Variants in POLR3E observed in about 807,000 individuals in gnomAD.
POLR3E encodes DNA-directed RNA polymerase III subunit RPC5.
Under a neutral mutation model 96.6 loss-of-function variants are expected in POLR3E, and 41 were observed. That is an observed-to-expected ratio of 0.42 (90% CI 0.33 to 0.55). POLR3E has a LOEUF of 0.55. POLR3E is among the 20% of genes least tolerant of loss of function. POLR3E has a pLI of 0.06. For synonymous variants in POLR3E, 396 were observed against 383.6 expected, an observed-to-expected ratio of 1.03 and a Z score of -0.38; for missense variants, 849 against 952.1, an observed-to-expected ratio of 0.89 and a Z score of 1.43.
Position 22,313,764 on chromosome 16 carries a change from C to G in POLR3E, c.472+37C>G. On this transcript the variant is annotated intron_variant, in intron 7 of 20. Coordinates refer to ENST00000299853, the MANE Select transcript of POLR3E (RefSeq NM_018119.4). The surrounding 1 kb of genome is among the most constrained non-coding windows in gnomAD (Gnocchi z 4.1). ...ATCCCCAGCCCTGCTGCCTGCCTGC[C>G]TTCATCCTGGTGGGATGGCTTGGTC... 6 of 1,393,578 alleles carry G rather than the reference C, an allele frequency of 4.3e-6. No individual in the cohort carries two copies. Among genetic ancestry groups the G allele is most frequent in the Non-Finnish European group, 6.1e-6 (6 of 985,190 alleles). The allele number at this position is 1,393,578 out of a possible 1,614,324, so 86.3% of individuals were successfully genotyped here. A position where few individuals can be genotyped will look rare whatever the true frequency, so the allele number is the denominator to read the frequency against.
intron 1 of POLR3E, among the ~76,000 whole-genome samples, chr16:22,299,538 C>T (rs1378405616): frequency 2.0e-5 from 3 of 151,536 alleles, no homozygotes; most frequent in Non-Finnish European, 2.9e-5. Flanking sequence ...CTCAGCCTCC[C>T]GAGTAGCTGG....
chr16:22,320,485 T>A (rs956462211), intron 13 of POLR3E, among the ~76,000 whole-genome samples: 3 of 152,150 alleles, frequency 2.0e-5, no homozygotes, highest in African/African-American at 7.2e-5. Flanking sequence ...GGTCTTGAAC[T>A]CCTGACCTCA....
rs777915197 is a variant in POLR3E, at chr16:22,333,639, CAT to C, written c.2071-3_2071-2del. 5 of 1,607,274 alleles carry C rather than the reference CAT, an allele frequency of 3.1e-6. No homozygotes were observed. Among genetic ancestry groups the C allele is most frequent in the Non-Finnish European group, 3.4e-6 (4 of 1,173,772 alleles). ...ATCTGTGCTTACCCTGTTTCTCTCT[CAT>C]AGGACTGCTGTGTAAGCTATGGTGG... On this transcript the variant is annotated splice_polypyrimidine_tract_variant and splice_region_variant and intron_variant, in intron 20 of 20. Coordinates refer to ENST00000299853, the MANE Select transcript of POLR3E (RefSeq NM_018119.4).
intron 4 of POLR3E, 26 bp downstream of exon 4, chr16:22,308,251 G>A (rs570955177): frequency 3.2e-6 from 5 of 1,574,652 alleles, no homozygotes; most frequent in African/African-American, 1.3e-5. Flanking sequence ...GAGGGCAGTT[G>A]GGGCCGAAAG....
At chr16:22,303,639 CTTTTTTTT>C (rs58949663) in intron 2 of POLR3E, among the ~76,000 whole-genome samples, 1 of 114,276 alleles carries the variant, frequency 8.8e-6, no homozygotes, top group African/African-American at 4.8e-5. Context: ...GCAGATTTCC[CTTTTTTTT>C]TTTTTTTTTT....
chr16:22,316,127 C>G (rs905393578), intron 9 of POLR3E, among the ~76,000 whole-genome samples: 4 of 152,146 alleles, frequency 2.6e-5, no homozygotes, highest in Admixed American at 1.3e-4. Context: ...TTAACAGACC[C>G]TTAGACTCGG....
intron 6 of POLR3E, among the ~76,000 whole-genome samples, chr16:22,310,539 G>A (rs1017690987): frequency 4.0e-5 from 6 of 151,464 alleles, no homozygotes; most frequent in Admixed American, 2.6e-4. Flanking sequence ...TGCCCACCTC[G>A]GCCTCCCAAA....
rs754996737 is a variant in POLR3E at position 22,318,934 on chromosome 16, G to A, written c.974G>A (p.Trp325Ter). 3.7e-6 allele frequency: 6 copies of A among 1,608,360 alleles called. No individual in the cohort carries two copies. Among genetic ancestry groups the A allele is most frequent in the Non-Finnish European group, 5.1e-6 (6 of 1,177,466 alleles). ...GTGGCGATGTTGGTCCAAGGGAACT[G>A]GGTGGTGAAGAGGTAAGTTGCTTTT... is the stretch of plus-strand genomic sequence containing the variant. Reference protein sequence around the residue: ...QKVAMLVQGNWVVKSDILYPK... With the variant: ...QKVAMLVQGN The change falls in exon 13 of 21, where the codon TGG becomes TAG. Residue 325 changes from tryptophan (W) to a stop codon, truncating the protein, a stop_gained. Coordinates refer to ENST00000299853, the MANE Select transcript of POLR3E (RefSeq NM_018119.4). LOFTEE classifies it high-confidence loss of function. The surrounding 1 kb of genome is among the most constrained non-coding windows in gnomAD (Gnocchi z 5.0).
Position 22,313,637 on chromosome 16 carries a change from C to A in POLR3E, c.382C>A (p.Pro128Thr). Residue 128 changes from proline to threonine, a missense_variant, in exon 7 of 21, where the codon CCT becomes ACT. Pro to Thr is a conservative substitution (Grantham distance 38). Transcript: ENST00000299853. The surrounding 1 kb of genome is among the most constrained non-coding windows in gnomAD (Gnocchi z 4.1). ...TCCGCCAGGTGAGCTCCACCTGACA[C>A]CTTTACATGGCATCCTGCAGCTGCG... ...LYRQGELHLT[P>T]LHGILQLRPS... 1 of 1,613,520 alleles carries A rather than the reference C, an allele frequency of 6.2e-7. No individual in the cohort carries two copies.
At chr16:22,301,142 G>A (rs940059016) in intron 1 of POLR3E, among the ~76,000 whole-genome samples, 2 of 137,996 alleles carry the variant, frequency 1.4e-5, no homozygotes, top group African/African-American at 5.2e-5. Context: ...GTGAAGGGGG[G>A]ACCATGAGGT....
At chr16:22,319,004 C>T (rs2048416626) in intron 13 of POLR3E, 58 bp downstream of exon 13, 3 of 1,325,856 alleles carry the variant, frequency 2.3e-6, no homozygotes, top group African/African-American at 1.5e-5. Context: ...GGCAGAGCTT[C>T]ACTCTTGTTG....
chr16:22,319,053 T>A, intron 13 of POLR3E, 107 bp downstream of exon 13: 2 of 750,742 alleles, frequency 2.7e-6, no homozygotes, highest in Non-Finnish European at 4.1e-6. Flanking sequence ...CGGCTCACTG[T>A]AACTTCTCCC....
chr16:22,328,532 C>T lies in POLR3E; in HGVS notation c.1889C>T (p.Ser630Phe). 2.5e-6 allele frequency: 4 copies of T among 1,614,026 alleles called. No individual in the cohort carries two copies. Among genetic ancestry groups the T allele is most frequent in the Non-Finnish European group, 3.4e-6 (4 of 1,179,916 alleles). Residue 630 changes from serine to phenylalanine, a missense_variant, in exon 19 of 21, where the codon TCC becomes TTC. By Grantham distance (155) the Ser-to-Phe change is radical (BLOSUM62 -2). Transcript: ENST00000299853. ...LVPFPPQTAA[S>F]PDEQKVFALW... ...CAGTTTCCCCCCCAGACTGCTGCTT[C>T]CCCGGATGAGCAGAAGGTGTTTGCC...
chr16:22,324,225 G>T, intron 14 of POLR3E, 129 bp from the exon 15 acceptor site: 1 of 699,990 alleles, frequency 1.4e-6, no homozygotes, highest in African/African-American at 1.8e-5. Context: ...CACACTGTTG[G>T]GAAGAATCAA....
intron 19 of POLR3E, among the ~76,000 whole-genome samples, chr16:22,329,984 G>A (rs1445928441): frequency 6.6e-6 from 1 of 151,198 alleles, no homozygotes; most frequent in Admixed American, 6.6e-5. Context: ...ATTAGCAATG[G>A]GCTTCCCATT....
chr16:22,326,498 C>T (rs984127770), intron 18 of POLR3E: 6 of 598,024 alleles, frequency 1.0e-5, no homozygotes, highest in East Asian at 2.9e-5. Flanking sequence ...GGGCTAAATA[C>T]GGTGTCTGAA....
Position 22,325,203 on chromosome 16 carries a change from A to G in POLR3E, c.1287-2A>G, listed in dbSNP as rs765264423. On this transcript the variant is annotated splice_acceptor_variant, in intron 16 of 20. Coordinates refer to ENST00000299853, the MANE Select transcript of POLR3E (RefSeq NM_018119.4). LOFTEE classifies it high-confidence loss of function. ...AGTTAATGGGGTTACTCTTCTTTTC[A>G]GACTGGAAAAAGTCTATAATCTTGT... 1.2e-6 allele frequency: 2 copies of G among 1,611,454 alleles called. No individual in the cohort carries two copies. The highest frequency in any genetic ancestry group is 1.3e-5 in the African/African-American group (1 of 74,884).
chr16:22,328,630 GT>G (rs1181305583), intron 19 of POLR3E, 43 bp downstream of exon 19: 2 of 1,547,460 alleles, frequency 1.3e-6, no homozygotes, highest in African/African-American at 2.7e-5. Flanking sequence ...AGCCAGGGGG[GT>G]TTCCTGCAGC....
intron 18 of POLR3E, chr16:22,326,492 T>A (rs1183891672): frequency 1.7e-6 from 1 of 599,274 alleles, no homozygotes; most frequent in African/African-American, 1.8e-5. Context: ...TGGTAGGGGC[T>A]AAATACGGTG....
Sources: gnomAD v4.1 joint callset for allele counts (sites outside exome capture counted in the v4.1 genomes callset) on GRCh38, gnomAD v4.1.1 for gene constraint, Gnocchi (gnomAD v3.1) non-coding constraint, MANE v1.5 for transcripts, NCBI Gene and HGNC (gene_info 2026-07-23, HGNC 2026-07-21) for gene names.